The following GAPVD1 variants were observed in gnomAD, a reference collection of about 807,000 sequenced individuals.
The protein encoded by GAPVD1 is GTPase-activating protein and VPS9 domain-containing protein 1.
GAPVD1 carries 35 observed loss-of-function variants against 155.5 expected under a neutral mutation model. The observed-to-expected ratio is 0.23, with a 90% CI of 0.17 to 0.30. GAPVD1 has a LOEUF of 0.30. GAPVD1 is among the 10% of genes least tolerant of loss of function. The pLI, the probability that GAPVD1 is intolerant of heterozygous loss-of-function variation, is 1.00. For missense variants in GAPVD1, 1,429 were observed against 1,775.7 expected, an observed-to-expected ratio of 0.80 and a Z score of 3.51; for synonymous variants, 636 against 619.7, an observed-to-expected ratio of 1.03 and a Z score of -0.39.
At chr9:125,339,374 T>C (rs1275001100) in intron 17 of GAPVD1, among the ~76,000 whole-genome samples, 1 of 152,242 alleles carries the variant, frequency 6.6e-6, no homozygotes, top group South Asian at 2.1e-4. Flanking sequence ...TGAGAGCCCC[T>C]TCAGGCTGGC....
At chr9:125,266,748 C>T (rs562577488) in intron 1 of GAPVD1, among the ~76,000 whole-genome samples, 2 of 151,638 alleles carry the variant, frequency 1.3e-5, no homozygotes, top group South Asian at 2.1e-4. Flanking sequence ...TTCTGCTGTT[C>T]GTTTTGTTTT....
At chr9:125,273,545 T>C (rs928515987) in intron 2 of GAPVD1, among the ~76,000 whole-genome samples, 1 of 151,896 alleles carries the variant, frequency 6.6e-6, no homozygotes, top group Non-Finnish European at 1.5e-5. Flanking sequence ...AGAGGTGATT[T>C]ATTGTATGGA....
intron 1 of GAPVD1, among the ~76,000 whole-genome samples, chr9:125,267,462 C>G (rs886694543): frequency 1.1e-4 from 17 of 152,080 alleles, no homozygotes; most frequent in African/African-American, 4.1e-4. Flanking sequence ...TCTTGTTGCC[C>G]AGGCTGGAGT....
intron 13 of GAPVD1, 115 bp from the exon 14 acceptor site, chr9:125,331,811 A>T: frequency 1.2e-6 from 1 of 865,388 alleles, no homozygotes; most frequent in Non-Finnish European, 1.9e-6. Flanking sequence ...TTACACATGT[A>T]TTTGCACTGA....
intron 2 of GAPVD1, among the ~76,000 whole-genome samples, chr9:125,283,700 A>C (rs1340709162): frequency 6.6e-6 from 1 of 152,106 alleles, no homozygotes; most frequent in South Asian, 2.1e-4. Context: ...CATATCATTA[A>C]TTTGGGATAC....
chr9:125,273,667 G>C (rs1288822920), intron 2 of GAPVD1, among the ~76,000 whole-genome samples: 1 of 151,836 alleles, frequency 6.6e-6, no homozygotes, highest in African/African-American at 2.4e-5. Context: ...TCAGGTGATC[G>C]GTGATCAGAG....
chr9:125,319,873 G>GTTTA, intron 9 of GAPVD1, among the ~76,000 whole-genome samples: 1 of 152,238 alleles, frequency 6.6e-6, no homozygotes, highest in Non-Finnish European at 1.5e-5. Context: ...GGGGTTACAG[G>GTTTA]CATGAGCCGC....
In GAPVD1 at chr9:125,350,370, A is replaced by C. The variant is rs1434816898; in HGVS notation, c.3375A>C (p.Thr1125=). 1.9e-6 allele frequency: 3 copies of C among 1,608,046 alleles called. No homozygotes were observed. The highest frequency in any genetic ancestry group is 2.2e-5 in the South Asian group (2 of 90,052). ...SVAFPVLTHS[T]RNGLPDHTDP... ...CCTTCCCAGTGCTGACCCATTCAAC[A>C]AGGAATGGTTTACCAGACCACACAG... Residue 1125 remains threonine (T), a synonymous_variant, in exon 22 of 28, where the codon ACA becomes ACC. Coordinates refer to ENST00000297933, the MANE Select transcript of GAPVD1 (RefSeq NM_001282680.3).
intron 9 of GAPVD1, among the ~76,000 whole-genome samples, chr9:125,318,987 C>T (rs1280117836): frequency 3.3e-5 from 5 of 151,752 alleles, no homozygotes; most frequent in African/African-American, 1.2e-4. Context: ...ACCAGCCTGG[C>T]CAACATGGTG....
At chr9:125,314,789 CTT>C (rs35084399) in intron 9 of GAPVD1, among the ~76,000 whole-genome samples, 16 of 140,772 alleles carry the variant, frequency 1.1e-4, no homozygotes, top group Non-Finnish European at 1.2e-4. Flanking sequence ...GTAGCAGCTT[CTT>C]TTTTTTTTTT....
At chr9:125,325,733 C>T (rs890056164) in intron 11 of GAPVD1, among the ~76,000 whole-genome samples, 4 of 152,040 alleles carry the variant, frequency 2.6e-5, no homozygotes, top group Admixed American at 1.3e-4. Context: ...ATTTGTTTAT[C>T]AGTGTATTAA....
chr9:125,298,316 G>T (rs1293525436), intron 3 of GAPVD1, among the ~76,000 whole-genome samples: 2 of 152,066 alleles, frequency 1.3e-5, no homozygotes, highest in African/African-American at 2.4e-5. Flanking sequence ...TATACACAGG[G>T]TTTACAGCAC....
At chr9:125,274,883 A>C (rs1191810732) in intron 2 of GAPVD1, among the ~76,000 whole-genome samples, 1 of 152,180 alleles carries the variant, frequency 6.6e-6, no homozygotes, top group Non-Finnish European at 1.5e-5. Flanking sequence ...GTAACTAGCC[A>C]AAGATTGCAC....
rs770866553 is a variant in GAPVD1 at position 125,364,149 on chromosome 9, G to A, written c.*1403G>A. On this transcript the variant is annotated 3_prime_UTR_variant, in exon 28 of 28. Coordinates refer to ENST00000297933, the MANE Select transcript of GAPVD1 (RefSeq NM_001282680.3). ...TAAGGGAACTGTGACAAACAGCCTC[G>A]GGCAGATGAACACGGAGGCTCTCTG... 6.6e-5 allele frequency: 10 copies of A among 152,158 alleles called. No individual in the cohort carries two copies. Among genetic ancestry groups the A allele is most frequent in the Non-Finnish European group, 8.8e-5 (6 of 68,018 alleles). The allele number at this position is 152,158 out of a possible 1,614,324, so 9.4% of individuals were successfully genotyped here. A position where few individuals can be genotyped will look rare whatever the true frequency, so the allele number is the denominator to read the frequency against.
intron 5 of GAPVD1, among the ~76,000 whole-genome samples, chr9:125,303,083 G>A (rs1372760273): frequency 6.6e-6 from 1 of 152,048 alleles, no homozygotes; most frequent in Non-Finnish European, 1.5e-5. Flanking sequence ...GGAGTGCAGT[G>A]GCGCAATCTC....
At chr9:125,313,791 G>A (rs1842999522) in intron 9 of GAPVD1, among the ~76,000 whole-genome samples, 1 of 152,182 alleles carries the variant, frequency 6.6e-6, no homozygotes, top group Admixed American at 6.5e-5. Context: ...AGTAGAGACG[G>A]GGTTTTGCCA....
intron 11 of GAPVD1, among the ~76,000 whole-genome samples, chr9:125,325,012 G>A (rs147988604): frequency 3.3e-5 from 5 of 151,834 alleles, no homozygotes; most frequent in African/African-American, 4.8e-5. Flanking sequence ...ATCATTTGAG[G>A]TCAGGAATTT....
chr9:125,294,493 C>T (rs1040587462), intron 2 of GAPVD1, among the ~76,000 whole-genome samples: 9 of 150,990 alleles, frequency 6.0e-5, no homozygotes, highest in African/African-American at 1.5e-4. Flanking sequence ...ACTACAGGCG[C>T]GTGTCACCAT....
chr9:125,274,333 T>A (rs564904639), intron 2 of GAPVD1, among the ~76,000 whole-genome samples: 70 of 151,894 alleles, frequency 4.6e-4, no homozygotes, highest in African/African-American at 1.0e-3. Context: ...TTTGTTTTTT[T>A]AAAAAAAACT....
Sources: gnomAD v4.1 joint callset for allele counts (sites outside exome capture counted in the v4.1 genomes callset) on GRCh38, gnomAD v4.1.1 for gene constraint, MANE v1.5 for transcripts, NCBI Gene and HGNC (gene_info 2026-07-23, HGNC 2026-07-21) for gene names.